SYNE1: variants seen among roughly 807,000 people sequenced by gnomAD.
SYNE1 encodes the protein nesprin-1.
In SYNE1, 616 loss-of-function variants were observed where a neutral mutation model predicts 1,111.0. That is an observed-to-expected ratio of 0.55 (90% CI 0.52 to 0.59). SYNE1 has a LOEUF of 0.59. SYNE1 is among the 20% of genes least tolerant of loss of function. The probability of loss-of-function intolerance (pLI) is 0.00; values close to 1 mark genes in which losing one functional copy is unlikely to be tolerated. For missense variants in SYNE1, 10,006 were observed against 10,417.0 expected, an observed-to-expected ratio of 0.96 and a Z score of 1.72; for synonymous variants, 3,855 against 3,825.8, an observed-to-expected ratio of 1.01 and a Z score of -0.28.
intron 8 of SYNE1, among the ~76,000 whole-genome samples, chr6:152,508,527 A>T (rs1420135462): frequency 2.6e-5 from 4 of 152,224 alleles, no homozygotes. Context: ...CTACTGTTTT[A>T]TTAAAAGAAA....
At chr6:152,496,785 C>T (rs570918348) in intron 11 of SYNE1, among the ~76,000 whole-genome samples, 57 of 152,160 alleles carry the variant, frequency 3.7e-4, no homozygotes, top group Non-Finnish European at 6.6e-4. Context: ...TGCACGTATA[C>T]ATTCAGATGG....
intron 3 of SYNE1, among the ~76,000 whole-genome samples, chr6:152,582,953 A>G (rs896461488): frequency 1.3e-5 from 2 of 152,174 alleles, no homozygotes; most frequent in African/African-American, 2.4e-5. Flanking sequence ...AGAGTATTCT[A>G]TTTAGTAATT....
chr6:152,218,469 C>T, intron 120 of SYNE1, 66 bp from the exon 121 acceptor site: 1 of 1,560,728 alleles, frequency 6.4e-7, no homozygotes, highest in South Asian at 1.1e-5. Context: ...TTAATAAAGT[C>T]TGGTAAAAGG....
rs1273806422 is a variant in SYNE1 at position 152,409,176 on chromosome 6, G to A, written c.6432C>T (p.Asn2144=). Reference sequence around the variant, plus strand: ...ACAAGTGTTTTCCTTTGCTGGTAAAGTTATCCAAGTCTTTCTGTTTGTAAT... The same window carrying A: ...ACAAGTGTTTTCCTTTGCTGGTAAAATTATCCAAGTCTTTCTGTTTGTAAT... The part of the protein sequence containing the change: ...KMNYKQKDLD[N]FTSKGKHLLS... The change falls in exon 44 of 146, where the codon AAC becomes AAT. Residue 2144 remains asparagine (N), a synonymous_variant. Coordinates refer to ENST00000367255, the MANE Select transcript of SYNE1 (RefSeq NM_182961.4). 2 of 1,613,988 alleles carry A rather than the reference G, an allele frequency of 1.2e-6. No homozygotes were observed. Among genetic ancestry groups the A allele is most frequent in the Non-Finnish European group, 1.7e-6 (2 of 1,180,002 alleles).
At chr6:152,395,158 C>T (rs1442162433) in intron 51 of SYNE1, among the ~76,000 whole-genome samples, 1 of 151,884 alleles carries the variant, frequency 6.6e-6, no homozygotes, top group Non-Finnish European at 1.5e-5. Context: ...ATCAGCTTCA[C>T]ATTATGTTAA....
chr6:152,463,268 T>TA, intron 19 of SYNE1, 85 bp downstream of exon 19: 1 of 1,595,274 alleles, frequency 6.3e-7, no homozygotes, highest in Non-Finnish European at 8.6e-7. Context: ...ACCCGTGCTC[T>TA]AAAAATAGCA....
intron 33 of SYNE1, chr6:152,434,469 T>G (rs1592627349): frequency 6.5e-6 from 1 of 154,340 alleles, no homozygotes; most frequent in Admixed American, 6.4e-5. Context: ...GCAAGAACTG[T>G]TTCTATTATT....
intron 104 of SYNE1, among the ~76,000 whole-genome samples, chr6:152,253,853 T>TTTTTTTTG (rs1562528405): frequency 2.5e-5 from 3 of 118,844 alleles, no homozygotes; most frequent in Non-Finnish European, 4.9e-5. Context: ...TTTTTTTTTT[T>TTTTTTTTG]TTTTTTTGCA....
intron 115 of SYNE1, among the ~76,000 whole-genome samples, chr6:152,229,926 A>C (rs1423816507): frequency 6.6e-6 from 1 of 152,244 alleles, no homozygotes; most frequent in East Asian, 1.9e-4. Context: ...ATATGGATGC[A>C]TTAAGAAAAT....
chr6:152,268,139 C>T lies in SYNE1; in HGVS notation c.18732G>A (p.Gln6244=). The T allele has an allele frequency of 1.2e-6, 2 of 1,614,172 alleles. No individual in the cohort carries two copies. The highest frequency in any genetic ancestry group is 1.7e-6 in the Non-Finnish European group (2 of 1,180,014). Residue 6244 remains glutamine (Q), a synonymous_variant, in exon 100 of 146, where the codon CAG becomes CAA. Transcript: ENST00000367255. ...TGGCTACTGAGCGAAGGAGACTCTT[C>T]TGCTCGGCTAATTCCTGTTCTAACT... The part of the protein sequence containing the change: ...QKELEQELAE[Q]KSLLRSVASR...
Position 152,155,057 on chromosome 6 carries a change from G to T in SYNE1, c.23979-15C>A. 1 of 1,613,978 alleles carries T rather than the reference G, an allele frequency of 6.2e-7. No homozygotes were observed. Among genetic ancestry groups the T allele is most frequent in the Non-Finnish European group, 8.5e-7 (1 of 1,179,942 alleles). On this transcript the variant is annotated splice_polypyrimidine_tract_variant and intron_variant, in intron 132 of 145. Transcript: ENST00000367255. ...TCTCTTCGATTCTGGGGCGGAAAAT[G>T]AAAGAACAGATTCAGATTATTGGAG...
At chr6:152,525,984 TA>T in intron 5 of SYNE1, 95 bp downstream of exon 5, 1 of 1,121,072 alleles carries the variant, frequency 8.9e-7, no homozygotes. Flanking sequence ...AACTTTCTTT[TA>T]CCTGGGCAGC....
chr6:152,500,636 A>G (rs1028327222), intron 10 of SYNE1, among the ~76,000 whole-genome samples: 3 of 152,128 alleles, frequency 2.0e-5, no homozygotes, highest in East Asian at 1.9e-4. Context: ...TCTTCTTTAT[A>G]TATGTTTCTA....
At position 152,174,645 on chromosome 6, in the gene SYNE1, A is replaced by G. The variant is rs111236264; in HGVS notation, c.23627+1749T>C. On this transcript the variant is annotated intron_variant, in intron 130 of 145. Transcript: ENST00000367255. ...CAGGGAAAAGGAAGTCACAAACTTG[A>G]GAGGCAGGAGGGCACAGCACTCCAG... 5.8e-3 allele frequency among the ~76,000 whole-genome samples: 881 copies of G among 152,336 alleles called. 7 individuals are homozygous for G. The highest frequency in any genetic ancestry group is 8.9e-3 in the Non-Finnish European group (607 of 68,026).
At chr6:152,140,695 T>C (rs928291171) in intron 139 of SYNE1, among the ~76,000 whole-genome samples, 3 of 151,794 alleles carry the variant, frequency 2.0e-5, no homozygotes, top group Admixed American at 1.3e-4. Context: ...AAATGAAACA[T>C]GGGCAAACAC....
In SYNE1 at chr6:152,558,976, TTTTATTTATTTATTTATTTA is replaced by T. The variant is rs76946853; in HGVS notation, c.68-18975_68-18956del. 9.0e-4 allele frequency among the ~76,000 whole-genome samples: 126 copies of T among 139,990 alleles called. 1 individual carries two copies. Among genetic ancestry groups the T allele is most frequent in the Admixed American group, 2.3e-3 (32 of 14,006 alleles). 91.8% of individuals were successfully genotyped at this position (139,990 alleles called of 152,430 possible). ...CAAAACAAGTCTTAACATATTTAATTTTTATTTATTTATTTATTTATTTATTTATTTATTTATTTATTTAT... is the reference window on the plus strand; with the variant it reads ...CAAAACAAGTCTTAACATATTTAATTTTTATTTATTTATTTATTTATTTAT... On this transcript the variant is annotated intron_variant, in intron 3 of 145. Coordinates refer to ENST00000367255, the MANE Select transcript of SYNE1 (RefSeq NM_182961.4).
chr6:152,225,291 A>G (rs575844629), intron 116 of SYNE1, among the ~76,000 whole-genome samples: 15 of 137,426 alleles, frequency 1.1e-4, no homozygotes, highest in Admixed American at 9.5e-4. Flanking sequence ...ACACACACAC[A>G]CACACACACA....
intron 141 of SYNE1, 33 bp from the exon 142 acceptor site, chr6:152,135,265 A>G (rs1468287630): frequency 6.2e-7 from 1 of 1,603,990 alleles, no homozygotes; most frequent in East Asian, 2.3e-5. Flanking sequence ...ACTGTAAATA[A>G]AATATTTTTA....
chr6:152,384,548 T>C lies in SYNE1; in HGVS notation c.8652+1126A>G, dbSNP rs951043823. On this transcript the variant is annotated intron_variant, in intron 55 of 145. Transcript: ENST00000367255. Reference sequence around the variant, plus strand: ...GTTAAAACATACATAGTCATAAGATTTAAATAAGATAATACTTTTAAAGCA... The same window carrying C: ...GTTAAAACATACATAGTCATAAGATCTAAATAAGATAATACTTTTAAAGCA... Among the ~76,000 whole-genome samples the C allele has an allele frequency of 5.3e-5, 8 of 152,150 alleles. No homozygotes were observed. The East Asian group carries it at 1.3e-3, about 26-fold the overall frequency.
Sources: allele counts gnomAD v4.1 joint callset (sites outside exome capture counted in the v4.1 genomes callset), GRCh38; gene constraint gnomAD v4.1.1; transcripts MANE v1.5; gene names NCBI Gene and HGNC (gene_info 2026-07-23, HGNC 2026-07-21).